Variants in REEP1 observed in about 807,000 individuals in gnomAD.
REEP1 encodes the protein receptor accessory protein 1, also known as receptor expression-enhancing protein 1.
In REEP1, 22 loss-of-function variants were observed where a neutral mutation model predicts 40.3. That is an observed-to-expected ratio of 0.55 (90% CI 0.39 to 0.78). REEP1 has a LOEUF of 0.78. Among genes scored for constraint, REEP1 ranks in the 30% least tolerant of loss-of-function variants. The probability of loss-of-function intolerance (pLI) is 0.00; values close to 1 mark genes in which losing one functional copy is unlikely to be tolerated. For synonymous variants in REEP1, 116 were observed against 139.2 expected, an observed-to-expected ratio of 0.83 and a Z score of 1.17; for missense variants, 280 against 361.1, an observed-to-expected ratio of 0.78 and a Z score of 1.82.
At position 86,219,370 on chromosome 2, in the gene REEP1, G is replaced by T. The variant is rs535154349; in HGVS notation, c.783+600C>A. On this transcript the variant is annotated intron_variant, in intron 8 of 8. Coordinates refer to ENST00000538924, the MANE Select transcript of REEP1 (RefSeq NM_001371279.1). ...TTCACTTGTACGTCAACTTAGAGTGGTAGTTGTTAATACCTGGAAAAACCA... is the reference window on the plus strand; with the variant it reads ...TTCACTTGTACGTCAACTTAGAGTGTTAGTTGTTAATACCTGGAAAAACCA... Among the ~76,000 whole-genome samples, 5 of 151,944 alleles carry T rather than the reference G, an allele frequency of 3.3e-5. No homozygotes were observed. In the South Asian group the frequency reaches 1.0e-3, roughly 32 times the overall value.
intron 5 of REEP1, among the ~76,000 whole-genome samples, chr2:86,246,543 G>T (rs940914212): frequency 1.3e-5 from 2 of 152,180 alleles, no homozygotes; most frequent in Non-Finnish European, 2.9e-5. Flanking sequence ...ATGAATGTTG[G>T]TTTACCAGGT....
At chr2:86,336,503 C>T (rs866397293) in intron 1 of REEP1, among the ~76,000 whole-genome samples, 1 of 152,152 alleles carries the variant, frequency 6.6e-6, no homozygotes, top group East Asian at 1.9e-4. Context: ...CCTTAGACTC[C>T]CCACACCCAT....
rs548265647 is a variant in REEP1, at chr2:86,311,119, G to T, written c.32+26360C>A. On this transcript the variant is annotated intron_variant, in intron 1 of 8. Transcript: ENST00000538924. Reference sequence around the variant, plus strand: ...TCACGGAAATCAGGAATAGTCATAGGAACTGAAGTTCCCCTAGGACTAAAT... The same window carrying T: ...TCACGGAAATCAGGAATAGTCATAGTAACTGAAGTTCCCCTAGGACTAAAT... 3.9e-5 allele frequency among the ~76,000 whole-genome samples: 6 copies of T among 152,274 alleles called. No individual in the cohort carries two copies. In the East Asian group the frequency reaches 1.2e-3, roughly 29 times the overall value.
chr2:86,312,812 G>A (rs1441700054), intron 1 of REEP1, among the ~76,000 whole-genome samples: 1 of 152,160 alleles, frequency 6.6e-6, no homozygotes, highest in Non-Finnish European at 1.5e-5. Context: ...TAAATTATGT[G>A]TCAACAAACA....
intron 2 of REEP1, among the ~76,000 whole-genome samples, chr2:86,277,230 G>A (rs945397500): frequency 6.6e-6 from 1 of 152,092 alleles, no homozygotes; most frequent in Non-Finnish European, 1.5e-5. Flanking sequence ...AGCCTTGGGG[G>A]GGCCTCCTAG....
chr2:86,282,675 T>C (rs1008484906), intron 1 of REEP1, among the ~76,000 whole-genome samples: 2 of 152,192 alleles, frequency 1.3e-5, no homozygotes, highest in Non-Finnish European at 2.9e-5. Flanking sequence ...GATCTCAGCA[T>C]CCTGCAGCTA....
chr2:86,314,837 C>A (rs11891758), intron 1 of REEP1, among the ~76,000 whole-genome samples: 20,441 of 150,320 alleles, frequency 0.14, 3,097 homozygotes, highest in African/African-American at 0.38. Flanking sequence ...GGACTACAGG[C>A]ATGCGCCACC....
At chr2:86,229,753 C>T (rs962849303) in intron 6 of REEP1, among the ~76,000 whole-genome samples, 3 of 151,940 alleles carry the variant, frequency 2.0e-5, no homozygotes, top group Admixed American at 2.0e-4. Context: ...GCTGGGATTA[C>T]AGGCATGCAC....
chr2:86,321,878 G>A (rs1680284667), intron 1 of REEP1, among the ~76,000 whole-genome samples: 1 of 152,198 alleles, frequency 6.6e-6, no homozygotes, highest in Non-Finnish European at 1.5e-5. Context: ...CAAGACAAGA[G>A]TGTCTGCCTC....
chr2:86,251,932 A>G, intron 5 of REEP1, 25 bp downstream of exon 5: 2 of 1,493,522 alleles, frequency 1.3e-6, no homozygotes, highest in Non-Finnish European at 1.9e-6. Flanking sequence ...AGACTCATGT[A>G]GTTGTGGTAC....
intron 1 of REEP1, among the ~76,000 whole-genome samples, chr2:86,310,707 T>TTCTCTCTC (rs144739472): frequency 4.0e-5 from 6 of 149,820 alleles, no homozygotes; most frequent in African/African-American, 1.2e-4. Flanking sequence ...CTCCTCCCCT[T>TTCTCTCTC]TCTCTCTCTC....
At chr2:86,266,341 C>T (rs190566367) in intron 2 of REEP1, among the ~76,000 whole-genome samples, 72 of 152,336 alleles carry the variant, frequency 4.7e-4, no homozygotes, top group African/African-American at 1.6e-3. Context: ...CCAAAAGGGC[C>T]GGGCGCGGTG....
chr2:86,308,039 G>T (rs1017011436), intron 1 of REEP1, among the ~76,000 whole-genome samples: 3 of 152,160 alleles, frequency 2.0e-5, no homozygotes, highest in Non-Finnish European at 1.5e-5. Context: ...GGGGTTGTCA[G>T]GCATTCCCTA....
At chr2:86,239,564 C>T (rs1165908235) in intron 5 of REEP1, among the ~76,000 whole-genome samples, 4 of 152,124 alleles carry the variant, frequency 2.6e-5, no homozygotes, top group Non-Finnish European at 4.4e-5. Context: ...ATGGGGTGCC[C>T]GCCTCACTGG....
intron 1 of REEP1, among the ~76,000 whole-genome samples, chr2:86,315,803 G>C (rs1019695594): frequency 1.3e-5 from 2 of 152,190 alleles, no homozygotes; most frequent in African/African-American, 4.8e-5. Context: ...CCCAGATCCA[G>C]GGTGGGTCCT....
At chr2:86,223,737 C>A (rs1573990611) in intron 7 of REEP1, 1 of 34,936 alleles carries the variant, frequency 2.9e-5, no homozygotes, top group South Asian at 1.2e-3. Flanking sequence ...AAATGCAATT[C>A]TCTCTCTCTC....
At chr2:86,269,853 T>C (rs931510954) in intron 2 of REEP1, among the ~76,000 whole-genome samples, 6 of 151,338 alleles carry the variant, frequency 4.0e-5, no homozygotes, top group Non-Finnish European at 8.8e-5. Flanking sequence ...AAAAAAAAAC[T>C]CTTAAAACTC....
chr2:86,279,928 A>G, intron 2 of REEP1: 1 of 455,808 alleles, frequency 2.2e-6, no homozygotes, highest in South Asian at 1.6e-5. Context: ...TAATGGTGAC[A>G]ATAAAAAACT....
rs1674112789 is a variant in REEP1 at position 86,216,377 on chromosome 2, T to G, written c.*662A>C. 1 of 152,266 alleles carries G rather than the reference T, an allele frequency of 6.6e-6. No homozygotes were observed. Among genetic ancestry groups the G allele is most frequent in the African/African-American group, 2.4e-5 (1 of 41,450 alleles). The allele number at this position is 152,266 out of a possible 1,614,324, so 9.4% of individuals were successfully genotyped here. ...CTCTTAGTTTGTAACTTGTCTGGTC[T>G]TTTGACTAAACAACTATCTAAAGAA... On this transcript the variant is annotated 3_prime_UTR_variant, in exon 9 of 9. Coordinates refer to ENST00000538924, the MANE Select transcript of REEP1 (RefSeq NM_001371279.1).
Sources: gnomAD v4.1 joint callset for allele counts (sites outside exome capture counted in the v4.1 genomes callset) on GRCh38, gnomAD v4.1.1 for gene constraint, MANE v1.5 for transcripts, NCBI Gene and HGNC (gene_info 2026-07-23, HGNC 2026-07-21) for gene names.